UPK1B: variants seen among roughly 807,000 people sequenced by gnomAD.
The protein encoded by UPK1B is uroplakin 1B.
Under a neutral mutation model 34.2 loss-of-function variants are expected in UPK1B, and 28 were observed. The ratio of observed to expected loss-of-function variants is 0.82; its 90% CI spans 0.61 to 1.12. The LOEUF is 1.12. UPK1B is among the 50% of genes most tolerant of loss of function. The pLI is 0.00. For synonymous variants in UPK1B, 81 were observed against 110.4 expected (o/e 0.73, Z 1.67); for missense variants, 325 against 320.9 (o/e 1.01, Z -0.10).
At chr3:119,185,052 GAATGAATGAAATTTCTAAGCAGAAAGA>G (rs2078011312) in intron 1 of UPK1B, among the ~76,000 whole-genome samples, 1 of 152,238 alleles carries the variant, frequency 6.6e-6, no homozygotes, top group African/African-American at 2.4e-5. Flanking sequence ...TAACTGGAAA[GAATGAATGAAATTTCTAAGCAGAAAGA>G]AATGAATGGC....
intron 7 of UPK1B, among the ~76,000 whole-genome samples, chr3:119,202,947 G>A (rs1265406469): frequency 2.6e-5 from 4 of 152,184 alleles, no homozygotes; most frequent in African/African-American, 9.7e-5. Context: ...GAACACAGAA[G>A]TTGCTTCTGA....
chr3:119,180,378 T>C (rs1314928567), intron 1 of UPK1B, among the ~76,000 whole-genome samples: 3 of 152,126 alleles, frequency 2.0e-5, no homozygotes, highest in Non-Finnish European at 4.4e-5. Context: ...CCAAACACCA[T>C]ATCCAAGCCA....
Position 119,175,358 on chromosome 3 carries a change from C to T in UPK1B, c.-29+1720C>T, listed in dbSNP as rs549758830. ...CAGAACTTCTTTTTGACTTCTCCTG[C>T]TTACAATCTTAACCAGAGTAAACAC... On this transcript the variant is annotated intron_variant, in intron 1 of 7. Coordinates refer to ENST00000264234, the MANE Select transcript of UPK1B (RefSeq NM_006952.4). 1.4e-4 allele frequency among the ~76,000 whole-genome samples: 21 copies of T among 152,228 alleles called. No homozygotes were observed. In the South Asian group the frequency reaches 1.7e-3, roughly 12 times the overall value.
chr3:119,178,017 G>T (rs923492147), intron 1 of UPK1B, among the ~76,000 whole-genome samples: 1 of 152,142 alleles, frequency 6.6e-6, no homozygotes, highest in East Asian at 1.9e-4. Flanking sequence ...AGGCAGAAAT[G>T]GGAGAAGGGA....
chr3:119,204,156 C>A lies in UPK1B; in HGVS notation c.*189C>A. 1.7e-6 allele frequency: 1 copy of A among 600,760 alleles called. No homozygotes were observed. The highest frequency in any genetic ancestry group is 2.9e-6 in the Non-Finnish European group (1 of 343,912). The allele number at this position is 600,760 out of a possible 1,614,324, so 37.2% of individuals were successfully genotyped here. A position where few individuals can be genotyped will look rare whatever the true frequency, so the allele number is the denominator to read the frequency against. On this transcript the variant is annotated 3_prime_UTR_variant, in exon 8 of 8. Coordinates refer to ENST00000264234, the MANE Select transcript of UPK1B (RefSeq NM_006952.4). ...GTTCTCATGACTCCTACTTTTCATC[C>A]TAGTCTAGCATTCTGCAACATTTAT...
At chr3:119,203,827 C>T in intron 7 of UPK1B, 90 bp from the exon 8 acceptor site, 2 of 1,347,930 alleles carry the variant, frequency 1.5e-6, no homozygotes, top group Non-Finnish European at 2.1e-6. Context: ...GTCACCTAAG[C>T]CTGAATGAAC....
intron 6 of UPK1B, among the ~76,000 whole-genome samples, chr3:119,198,273 G>A (rs2078075519): frequency 1.3e-5 from 2 of 152,198 alleles, no homozygotes; most frequent in Admixed American, 6.5e-5. Flanking sequence ...AGGCAGAGCC[G>A]CATGGTCCAT....
At chr3:119,191,683 C>G (rs1424247303) in intron 5 of UPK1B, among the ~76,000 whole-genome samples, 1 of 152,176 alleles carries the variant, frequency 6.6e-6, no homozygotes, top group Non-Finnish European at 1.5e-5. Flanking sequence ...TCTATGAACT[C>G]TTTACTATCT....
intron 7 of UPK1B, among the ~76,000 whole-genome samples, chr3:119,199,701 GA>G (rs2078083062): frequency 6.6e-6 from 1 of 152,188 alleles, no homozygotes; most frequent in South Asian, 2.1e-4. Flanking sequence ...CAACCTCTGA[GA>G]CTTCGATTTA....
intron 4 of UPK1B, 41 bp from the exon 5 acceptor site, chr3:119,190,941 C>A: frequency 1.2e-6 from 2 of 1,604,650 alleles, no homozygotes; most frequent in South Asian, 2.2e-5. Context: ...TGAAAATTAG[C>A]GTGCTATCTC....
intron 7 of UPK1B, among the ~76,000 whole-genome samples, chr3:119,202,745 G>C (rs2078096937): frequency 6.6e-6 from 1 of 152,054 alleles, no homozygotes; most frequent in Non-Finnish European, 1.5e-5. Flanking sequence ...AGCATTTTAG[G>C]AAAAAATAGA....
chr3:119,178,192 G>A (rs1376633967), intron 1 of UPK1B, among the ~76,000 whole-genome samples: 1 of 152,144 alleles, frequency 6.6e-6, no homozygotes, highest in Non-Finnish European at 1.5e-5. Flanking sequence ...TCTCTTAGGT[G>A]GTCCAACCAC....
chr3:119,178,850 G>A (rs931356450), intron 1 of UPK1B, among the ~76,000 whole-genome samples: 1 of 152,166 alleles, frequency 6.6e-6, no homozygotes, highest in African/African-American at 2.4e-5. Flanking sequence ...TGGAAGCACT[G>A]TATGGAATGG....
At chr3:119,189,693 A>T (rs575905737) in intron 3 of UPK1B, among the ~76,000 whole-genome samples, 12 of 152,352 alleles carry the variant, frequency 7.9e-5, no homozygotes, top group African/African-American at 2.9e-4. Context: ...CTCTCCTCTG[A>T]TGAGACTGGA....
rs1426706085 is a variant in UPK1B, at chr3:119,186,784, C to A, written c.43C>A (p.Leu15Met). 1 of 1,614,072 alleles carries A rather than the reference C, an allele frequency of 6.2e-7. No homozygotes were observed. The highest frequency in any genetic ancestry group is 1.7e-5 in the Admixed American group (1 of 60,006). Residue 15 changes from leucine to methionine, a missense_variant, in exon 2 of 8, where the codon CTG becomes ATG. Transcript: ENST00000264234. Reference sequence around the variant, plus strand: ...AACTGTTCGTTGCTTCCAGGGCCTGCTGATTTTTGGAAATGTGATTATTGG... The same window carrying A: ...AACTGTTCGTTGCTTCCAGGGCCTGATGATTTTTGGAAATGTGATTATTGG... ...NSTVRCFQGL[L>M]IFGNVIIGCC...
At chr3:119,203,368 A>AAAAAAAAC in intron 7 of UPK1B, among the ~76,000 whole-genome samples, 1 of 146,234 alleles carries the variant, frequency 6.8e-6, no homozygotes, top group Non-Finnish European at 1.5e-5. Context: ...AAAAAAAAAA[A>AAAAAAAAC]TCTGATATCT....
intron 5 of UPK1B, 74 bp from the exon 6 acceptor site, chr3:119,194,145 A>G: frequency 7.1e-7 from 1 of 1,405,258 alleles, no homozygotes; most frequent in Non-Finnish European, 9.6e-7. Context: ...TTTCTCTATA[A>G]AATTTCAGTT....
At chr3:119,186,662 G>C in intron 1 of UPK1B, 52 bp from the exon 2 acceptor site, 1 of 1,464,998 alleles carries the variant, frequency 6.8e-7, no homozygotes. Context: ...CAATGGCTTG[G>C]TTTACTCATG....
At chr3:119,199,789 A>T (rs2078083486) in intron 7 of UPK1B, among the ~76,000 whole-genome samples, 1 of 152,230 alleles carries the variant, frequency 6.6e-6, no homozygotes, top group Non-Finnish European at 1.5e-5. Flanking sequence ...CCATTGCCTT[A>T]GAGAAGCAGT....
Sources: allele counts gnomAD v4.1 joint callset (sites outside exome capture counted in the v4.1 genomes callset), GRCh38; gene constraint gnomAD v4.1.1; transcripts MANE v1.5; gene names NCBI Gene and HGNC (gene_info 2026-07-23, HGNC 2026-07-21).